Variants in SORCS1 observed in about 807,000 individuals in gnomAD.
SORCS1 encodes VPS10 domain-containing receptor SorCS1.
A neutral mutation model predicts 146.1 loss-of-function variants in SORCS1; 60 were observed. The observed-to-expected ratio is 0.41, with a 90% CI of 0.33 to 0.51. The LOEUF (loss-of-function observed/expected upper bound fraction) is 0.51, where lower values mean the gene tolerates loss of function less well. Among genes scored for constraint, SORCS1 ranks in the 20% least tolerant of loss-of-function variants. The probability of loss-of-function intolerance (pLI) is 0.21; values close to 1 mark genes in which losing one functional copy is unlikely to be tolerated. For missense variants in SORCS1, 1,352 were observed against 1,487.6 expected, an observed-to-expected ratio of 0.91 and a Z score of 1.50; for synonymous variants, 637 against 584.0, an observed-to-expected ratio of 1.09 and a Z score of -1.31.
chr10:106,642,328 C>G (rs1174317849), intron 18 of SORCS1, among the ~76,000 whole-genome samples: 2 of 152,156 alleles, frequency 1.3e-5, no homozygotes, highest in African/African-American at 4.8e-5. Context: ...ATTAATCACA[C>G]TGTGATGTCA....
At chr10:106,981,537 A>ATTATC (rs1280737361) in intron 1 of SORCS1, among the ~76,000 whole-genome samples, 3 of 152,182 alleles carry the variant, frequency 2.0e-5, no homozygotes, top group East Asian at 1.9e-4. Flanking sequence ...AAAGATGCAG[A>ATTATC]TTATCTTTCT....
chr10:106,849,134 C>T (rs1327542552), intron 2 of SORCS1, among the ~76,000 whole-genome samples: 1 of 145,822 alleles, frequency 6.9e-6, no homozygotes, highest in Non-Finnish European at 1.5e-5. Context: ...CGTTGGCCTG[C>T]CTTGCTAGAT....
At chr10:106,954,187 C>T (rs1016297116) in intron 2 of SORCS1, among the ~76,000 whole-genome samples, 3 of 152,142 alleles carry the variant, frequency 2.0e-5, no homozygotes, top group Non-Finnish European at 2.9e-5. Flanking sequence ...GTTATGACTG[C>T]GTAAGCCTCT....
chr10:106,625,200 C>CTGTGTGTGTGTG (rs3044907), intron 19 of SORCS1, among the ~76,000 whole-genome samples: 33 of 140,140 alleles, frequency 2.4e-4, no homozygotes, highest in Non-Finnish European at 3.9e-4. Context: ...TTGTGTGATT[C>CTGTGTGTGTGTG]TGTGTGTGTG....
intron 3 of SORCS1, among the ~76,000 whole-genome samples, chr10:106,796,434 G>GT (rs1231957855): frequency 6.6e-6 from 1 of 151,998 alleles, no homozygotes; most frequent in Admixed American, 6.6e-5. Flanking sequence ...TATCAAATTT[G>GT]TTTTTTTCCC....
intron 17 of SORCS1, 91 bp from the exon 18 acceptor site, chr10:106,652,644 G>T: frequency 7.0e-7 from 1 of 1,427,522 alleles, no homozygotes. Flanking sequence ...CTAGCCCTGA[G>T]GACCATCAGT....
At chr10:107,046,560 G>C (rs545809220) in intron 1 of SORCS1, among the ~76,000 whole-genome samples, 1 of 152,130 alleles carries the variant, frequency 6.6e-6, no homozygotes, top group Non-Finnish European at 1.5e-5. Flanking sequence ...ACCCAGAAAG[G>C]ATGGGTGAGA....
intron 2 of SORCS1, among the ~76,000 whole-genome samples, chr10:106,923,955 A>G (rs186533977): frequency 5.3e-4 from 81 of 152,292 alleles, no homozygotes; most frequent in African/African-American, 1.8e-3. Flanking sequence ...CTTTTGATAA[A>G]TGGCTTTAAA....
At chr10:107,146,923 T>C (rs1016226067) in intron 1 of SORCS1, among the ~76,000 whole-genome samples, 6 of 152,166 alleles carry the variant, frequency 3.9e-5, no homozygotes, top group African/African-American at 1.2e-4. Flanking sequence ...ATAATAACAG[T>C]ACCTACTTCC....
At position 106,577,006 on chromosome 10, in the gene SORCS1, C is replaced by A; in HGVS notation, c.*414G>T. ...GAAAGAGGGAGAGGGGAGTGTTTTC[C>A]ATTAAAATAGAGCACCTGTACACTG... On this transcript the variant is annotated 3_prime_UTR_variant, in exon 26 of 26. Coordinates refer to ENST00000263054, the MANE Select transcript of SORCS1 (RefSeq NM_052918.5). 7.2e-6 allele frequency: 2 copies of A among 279,306 alleles called. No individual in the cohort carries two copies. The highest frequency in any genetic ancestry group is 1.3e-3 in the Middle Eastern group (1 of 750). The allele number at this position is 279,306 out of a possible 1,614,324, so 17.3% of individuals were successfully genotyped here.
intron 1 of SORCS1, among the ~76,000 whole-genome samples, chr10:107,041,398 G>A (rs1299367380): frequency 8.7e-6 from 1 of 114,584 alleles, no homozygotes; most frequent in African/African-American, 2.8e-5. Context: ...AACTTCTAAA[G>A]GGGATTAAAA....
intron 7 of SORCS1, 126 bp from the exon 8 acceptor site, chr10:106,706,760 C>G: frequency 1.2e-6 from 1 of 824,650 alleles, no homozygotes; most frequent in South Asian, 1.6e-5. Context: ...CTATTGCGGA[C>G]AAGTGTAAAG....
At chr10:106,776,798 C>A in intron 3 of SORCS1, 106 bp from the exon 4 acceptor site, 1 of 1,245,404 alleles carries the variant, frequency 8.0e-7, no homozygotes, top group Non-Finnish European at 1.1e-6. Flanking sequence ...CAGGGGCAGG[C>A]AAAGAATGCT....
intron 18 of SORCS1, among the ~76,000 whole-genome samples, chr10:106,643,081 G>A (rs1170108897): frequency 6.6e-6 from 1 of 152,184 alleles, no homozygotes; most frequent in Non-Finnish European, 1.5e-5. Context: ...ATAGAGAGAA[G>A]CAACAGAAAG....
chr10:107,039,431 G>C (rs887465695), intron 1 of SORCS1, among the ~76,000 whole-genome samples: 4 of 151,506 alleles, frequency 2.6e-5, no homozygotes, highest in Non-Finnish European at 5.9e-5. Flanking sequence ...CTGTCCTGTA[G>C]AAACTTCTAA....
At chr10:106,750,890 T>C (rs1439486815) in intron 5 of SORCS1, among the ~76,000 whole-genome samples, 1 of 148,878 alleles carries the variant, frequency 6.7e-6, no homozygotes, top group African/African-American at 2.5e-5. Context: ...AAACCCCCTC[T>C]CTACTAAAAA....
chr10:106,832,287 C>A (rs1264603468), intron 2 of SORCS1, among the ~76,000 whole-genome samples: 6 of 149,208 alleles, frequency 4.0e-5, no homozygotes, highest in Non-Finnish European at 7.4e-5. Flanking sequence ...CTTCTGGGTT[C>A]GATCGATTCT....
At chr10:107,005,417 T>G (rs952727936) in intron 1 of SORCS1, among the ~76,000 whole-genome samples, 2 of 152,186 alleles carry the variant, frequency 1.3e-5, no homozygotes, top group African/African-American at 4.8e-5. Flanking sequence ...TACAGAAATT[T>G]TAAATGTGGA....
chr10:106,602,512 AACACACACACACACAC>A (rs66699179), intron 23 of SORCS1, among the ~76,000 whole-genome samples: 37 of 138,766 alleles, frequency 2.7e-4, no homozygotes, highest in African/African-American at 9.1e-4. Context: ...ATTCCTTCAT[AACACACACACACACAC>A]ACACACACAC....
Sources: gnomAD v4.1 joint callset for allele counts (sites outside exome capture counted in the v4.1 genomes callset) on GRCh38, gnomAD v4.1.1 for gene constraint, MANE v1.5 for transcripts, NCBI Gene and HGNC (gene_info 2026-07-23, HGNC 2026-07-21) for gene names.